Variants in RILPL2 observed in about 807,000 individuals in gnomAD.
RILPL2 encodes the protein RILP-like protein 2.
Under a neutral mutation model 22.2 loss-of-function variants are expected in RILPL2, and 19 were observed. That is an observed-to-expected ratio of 0.86 (90% CI 0.60 to 1.25). The LOEUF (loss-of-function observed/expected upper bound fraction) is 1.25, where lower values mean the gene tolerates loss of function less well. Among genes scored for constraint, RILPL2 ranks in the 50% most tolerant of loss-of-function variants. RILPL2 has a pLI of 0.00. For missense variants in RILPL2, 243 were observed against 263.6 expected (o/e 0.92, Z 0.54); for synonymous variants, 123 against 111.6 (o/e 1.10, Z -0.64).
chr12:123,436,449 G>A lies in RILPL2; in HGVS notation c.-29C>T. ...CACCCAGACCCCCGCCGACCTCGGA[G>A]CTGCTGTCTTGGAGTCTCCCAAAGG... is the stretch of plus-strand genomic sequence containing the variant. On this transcript the variant is annotated 5_prime_UTR_variant, in exon 1 of 4. Coordinates refer to ENST00000280571, the MANE Select transcript of RILPL2 (RefSeq NM_145058.3). The surrounding 1 kb of genome is among the most constrained non-coding windows in gnomAD (Gnocchi z 6.7). 6.5e-7 allele frequency: 1 copy of A among 1,539,408 alleles called. No homozygotes were observed. Among genetic ancestry groups the A allele is most frequent in the Non-Finnish European group, 8.7e-7 (1 of 1,145,362 alleles).
At chr12:123,423,722 C>T (rs1449595150) in intron 2 of RILPL2, among the ~76,000 whole-genome samples, 2 of 151,172 alleles carry the variant, frequency 1.3e-5, no homozygotes, top group East Asian at 1.9e-4. Flanking sequence ...GGCGCGATCT[C>T]GGCTCACTGC....
At chr12:123,410,601 T>G (rs1878944644), downstream of RILPL2, 1 of 152,170 alleles carries the variant, frequency 6.6e-6, no homozygotes, top group South Asian at 2.1e-4. Flanking sequence ...AATCCACTGC[T>G]GTGTAACTTG....
Position 123,430,574 on chromosome 12 carries a change from A to T in RILPL2, c.425T>A (p.Leu142Gln). ...CGACTTGAGTTTGTTGCGTTCCTGC[A>T]GCACATCCCTTAGCTCCTGCAGAGT... ...RFTLQELRDV[L>Q]QERNKLKSQL... The change falls in exon 2 of 4, where the codon CTG (leucine) becomes CAG (glutamine). Residue 142 changes from leucine to glutamine, a missense_variant. Transcript: ENST00000280571. 1 of 1,613,282 alleles carries T rather than the reference A, an allele frequency of 6.2e-7. No homozygotes were observed. The highest frequency in any genetic ancestry group is 8.5e-7 in the Non-Finnish European group (1 of 1,179,482).
At chr12:123,421,817 G>A (rs1879290450) in intron 3 of RILPL2, among the ~76,000 whole-genome samples, 1 of 151,496 alleles carries the variant, frequency 6.6e-6, no homozygotes, top group Non-Finnish European at 1.5e-5. Context: ...ACAGGCATCT[G>A]CCATCACGCC....
chr12:123,427,984 T>G (rs1454383951), intron 2 of RILPL2, among the ~76,000 whole-genome samples: 1 of 152,246 alleles, frequency 6.6e-6, no homozygotes, highest in Non-Finnish European at 1.5e-5. Flanking sequence ...CCTGCCTCTC[T>G]TGGCCTGAGC....
chr12:123,434,366 T>G (rs1393076891), intron 1 of RILPL2, among the ~76,000 whole-genome samples: 1 of 151,710 alleles, frequency 6.6e-6, no homozygotes, highest in African/African-American at 2.4e-5. Context: ...CTCAGTGAGC[T>G]GTGATCACAC....
At position 123,430,591 on chromosome 12, in the gene RILPL2, C is replaced by T; in HGVS notation, c.408G>A (p.Gln136=). The T allele has an allele frequency of 6.2e-7, 1 of 1,612,924 alleles. No individual in the cohort carries two copies. The highest frequency in any genetic ancestry group is 8.5e-7 in the Non-Finnish European group (1 of 1,179,240). Residue 136 remains glutamine, a synonymous_variant, in exon 2 of 4, where the codon CAG becomes CAA. Coordinates refer to ENST00000280571, the MANE Select transcript of RILPL2 (RefSeq NM_145058.3). ...TDPNRPRFTL[Q]ELRDVLQERN... is the part of the protein sequence containing the mutation. ...GTTCCTGCAGCACATCCCTTAGCTC[C>T]TGCAGAGTGAAGCGGGGTCGGTTGG...
downstream of RILPL2, chr12:123,411,405 G>A (rs1878973449): frequency 6.6e-6 from 1 of 151,754 alleles, no homozygotes; most frequent in Non-Finnish European, 1.5e-5. Context: ...GGAGGGCGAG[G>A]CAGGCGGATT....
chr12:123,417,104 G>A (rs917642939), intron 3 of RILPL2, among the ~76,000 whole-genome samples: 2 of 151,948 alleles, frequency 1.3e-5, no homozygotes, highest in Admixed American at 1.3e-4. Context: ...TTCCAGACCA[G>A]CCTGAGAAAC....
At chr12:123,417,203 G>T (rs1462555479) in intron 3 of RILPL2, among the ~76,000 whole-genome samples, 1 of 151,848 alleles carries the variant, frequency 6.6e-6, no homozygotes, top group African/African-American at 2.4e-5. Flanking sequence ...GGAGGCTGAG[G>T]TGGGAGGATC....
At chr12:123,434,542 G>A (rs1879734451) in intron 1 of RILPL2, among the ~76,000 whole-genome samples, 1 of 151,614 alleles carries the variant, frequency 6.6e-6, no homozygotes, top group Admixed American at 6.6e-5. Context: ...TCCGGCCTCA[G>A]CCTCCCGAGT....
At position 123,436,433 on chromosome 12, in the gene RILPL2, C is replaced by T. The variant is rs1202777877; in HGVS notation, c.-13G>A. ...GGGGCTCCTCCATGGCCACCCAGACCCCCGCCGACCTCGGAGCTGCTGTCT... is the reference window on the plus strand; with the variant it reads ...GGGGCTCCTCCATGGCCACCCAGACTCCCGCCGACCTCGGAGCTGCTGTCT... On this transcript the variant is annotated 5_prime_UTR_variant, in exon 1 of 4. Coordinates refer to ENST00000280571, the MANE Select transcript of RILPL2 (RefSeq NM_145058.3). This position sits in a 1 kb window ranked among gnomAD's most constrained non-coding sequence, Gnocchi z 6.7. 2 of 1,543,360 alleles carry T rather than the reference C, an allele frequency of 1.3e-6. No individual in the cohort carries two copies. Among genetic ancestry groups the T allele is most frequent in the African/African-American group, 1.4e-5 (1 of 73,138 alleles).
intron 1 of RILPL2, among the ~76,000 whole-genome samples, chr12:123,434,269 A>G (rs1378856304): frequency 6.6e-6 from 1 of 151,872 alleles, no homozygotes; most frequent in African/African-American, 2.4e-5. Context: ...AAATACAAAA[A>G]TTAGCCAGGT....
rs1879098801 is a variant in RILPL2 at position 123,415,742 on chromosome 12, C to T, written c.*149G>A. On this transcript the variant is annotated 3_prime_UTR_variant, in exon 4 of 4. Transcript: ENST00000280571. The stretch of plus-strand genomic sequence containing the variant: ...CAGGGAGAAAGTGATGCCAAGAGAA[C>T]CTCGTCTCCTCCCTCCTCAGTCTGC... The T allele has an allele frequency of 2.5e-6, 2 of 796,768 alleles. No individual in the cohort carries two copies. Among genetic ancestry groups the T allele is most frequent in the African/African-American group, 3.4e-5 (2 of 58,444 alleles). 49.4% of individuals were successfully genotyped at this position (796,768 alleles called of 1,614,324 possible).
At chr12:123,432,990 A>G (rs1356110743) in intron 1 of RILPL2, among the ~76,000 whole-genome samples, 2 of 145,042 alleles carry the variant, frequency 1.4e-5, no homozygotes, top group Non-Finnish European at 2.9e-5. Flanking sequence ...ATAATTAAGA[A>G]GAAGAAGAAG....
At chr12:123,420,716 C>T (rs531917566) in intron 3 of RILPL2, among the ~76,000 whole-genome samples, 5 of 152,136 alleles carry the variant, frequency 3.3e-5, no homozygotes, top group Non-Finnish European at 4.4e-5. Flanking sequence ...GGTTTACAGG[C>T]GTCAGCCACT....
chr12:123,429,990 C>A (rs1262219078), intron 2 of RILPL2, among the ~76,000 whole-genome samples: 1 of 150,224 alleles, frequency 6.7e-6, no homozygotes, highest in Non-Finnish European at 1.5e-5. Context: ...GTGGCATGCA[C>A]CTGTGGTCTC....
At chr12:123,426,705 C>T (rs2139244249) in intron 2 of RILPL2, among the ~76,000 whole-genome samples, 1 of 151,742 alleles carries the variant, frequency 6.6e-6, no homozygotes, top group East Asian at 2.0e-4. Context: ...GGGCTCACGC[C>T]ATCCTCCTGC....
downstream of RILPL2, chr12:123,410,646 C>G (rs1878945958): frequency 6.6e-6 from 1 of 151,890 alleles, no homozygotes; most frequent in Non-Finnish European, 1.5e-5. Context: ...GTCAGTTTCC[C>G]TCCCTGTAAC....
Sources: gnomAD v4.1 joint callset for allele counts (sites outside exome capture counted in the v4.1 genomes callset) on GRCh38, gnomAD v4.1.1 for gene constraint, Gnocchi (gnomAD v3.1) non-coding constraint, MANE v1.5 for transcripts, NCBI Gene and HGNC (gene_info 2026-07-23, HGNC 2026-07-21) for gene names.